The following TBC1D32 variants were observed in gnomAD, a reference collection of about 807,000 sequenced individuals.
The protein encoded by TBC1D32 is TBC1 domain family member 32, also known as protein broad-minded.
Under a neutral mutation model 170.3 loss-of-function variants are expected in TBC1D32, and 151 were observed. The ratio of observed to expected loss-of-function variants is 0.89; its 90% CI spans 0.78 to 1.01. The LOEUF (loss-of-function observed/expected upper bound fraction) is 1.01, where lower values mean the gene tolerates loss of function less well. Ranked by LOEUF, TBC1D32 falls within the 50% of genes least tolerant of loss-of-function variation. The probability of loss-of-function intolerance (pLI) is 0.00; values close to 1 mark genes in which losing one functional copy is unlikely to be tolerated. For missense variants in TBC1D32, 1,464 were observed against 1,457.1 expected (o/e 1.00, Z -0.08); for synonymous variants, 498 against 488.0 (o/e 1.02, Z -0.27).
At chr6:121,126,159 G>A (rs73538413) in intron 26 of TBC1D32, among the ~76,000 whole-genome samples, 5,914 of 152,234 alleles carry the variant, frequency 0.039, 335 homozygotes, top group African/African-American at 0.12. Flanking sequence ...TTAGTGGATA[G>A]AGAGAGAAAA....
At chr6:121,210,988 A>T (rs1000980555) in intron 21 of TBC1D32, among the ~76,000 whole-genome samples, 4 of 100,574 alleles carry the variant, frequency 4.0e-5, no homozygotes, top group Non-Finnish European at 1.2e-4. Flanking sequence ...ATACGACAAT[A>T]AAAAAAATAT....
rs200438206 is a variant in TBC1D32, at chr6:121,106,008, T to C, written c.3465+15A>G. Reference sequence around the variant, plus strand: ...GATAAAGGAGTTGGAGAAATGCTACTCCCTTATGGATTACCTGTGATGGTG... The same window carrying C: ...GATAAAGGAGTTGGAGAAATGCTACCCCCTTATGGATTACCTGTGATGGTG... On this transcript the variant is annotated intron_variant, in intron 30 of 31. Coordinates refer to ENST00000398212, the MANE Select transcript of TBC1D32 (RefSeq NM_152730.6). 10 of 1,583,692 alleles carry C rather than the reference T, an allele frequency of 6.3e-6. No individual in the cohort carries two copies. In the African/African-American group the frequency reaches 8.1e-5, roughly 13 times the overall value.
intron 24 of TBC1D32, among the ~76,000 whole-genome samples, chr6:121,144,828 C>A (rs566404031): frequency 2.0e-5 from 3 of 151,992 alleles, no homozygotes; most frequent in Non-Finnish European, 4.4e-5. Context: ...TGGGGCATTC[C>A]AAAGTTTAAA....
intron 20 of TBC1D32, among the ~76,000 whole-genome samples, chr6:121,226,269 A>G (rs551817401): frequency 6.6e-6 from 1 of 152,220 alleles, no homozygotes; most frequent in East Asian, 1.9e-4. Flanking sequence ...ATCACTTACA[A>G]TAGCGCCTAA....
chr6:121,147,016 A>G (rs1036954222), intron 24 of TBC1D32, among the ~76,000 whole-genome samples: 9 of 151,946 alleles, frequency 5.9e-5, no homozygotes, highest in African/African-American at 2.2e-4. Flanking sequence ...TATTGTTTCT[A>G]TCTTTATGTG....
Position 121,218,479 on chromosome 6 carries a change from G to A in TBC1D32, c.2481+4757C>T, listed in dbSNP as rs575330273. Reference sequence around the variant, plus strand: ...AAGTTTTGATCCTGGGTGTGTCTGTGAGGGTGTTGCCAAAGGAGATTAACA... The same window carrying A: ...AAGTTTTGATCCTGGGTGTGTCTGTAAGGGTGTTGCCAAAGGAGATTAACA... On this transcript the variant is annotated intron_variant, in intron 21 of 31. Transcript: ENST00000398212. 1.2e-4 allele frequency among the ~76,000 whole-genome samples: 19 copies of A among 152,242 alleles called. No homozygotes were observed. The South Asian group carries it at 2.3e-3, about 18-fold the overall frequency.
At chr6:121,320,153 T>G (rs2128500096) in intron 2 of TBC1D32, among the ~76,000 whole-genome samples, 1 of 151,698 alleles carries the variant, frequency 6.6e-6, no homozygotes, top group African/African-American at 2.4e-5. Flanking sequence ...GAAATGCTGT[T>G]TACAGATGTA....
intron 22 of TBC1D32, among the ~76,000 whole-genome samples, chr6:121,194,351 C>G (rs1461198691): frequency 6.6e-6 from 1 of 152,204 alleles, no homozygotes; most frequent in African/African-American, 2.4e-5. Flanking sequence ...AGAGCTGCCT[C>G]TACCTAGAAA....
At chr6:121,224,796 C>T (rs1192361765) in intron 20 of TBC1D32, among the ~76,000 whole-genome samples, 3 of 152,128 alleles carry the variant, frequency 2.0e-5, no homozygotes, top group African/African-American at 7.2e-5. Context: ...ATTTAACACA[C>T]AGTGGTTTTT....
At chr6:121,203,836 T>A (rs1339136030) in intron 22 of TBC1D32, among the ~76,000 whole-genome samples, 1 of 151,262 alleles carries the variant, frequency 6.6e-6, no homozygotes, top group Non-Finnish European at 1.5e-5. Context: ...TTGGATATTA[T>A]GAGAAAGCAC....
Position 121,223,263 on chromosome 6 carries a change from A to C in TBC1D32, c.2454T>G (p.Ser818=). Residue 818 remains serine, a synonymous_variant, in exon 21 of 32, where the codon TCT becomes TCG. Transcript: ENST00000398212. ...NQDLPNKTEY[S]LREVPTCVID... ...TAACACATGTTGGGACTTCACGAAG[A>C]GAATATTCTGTTTTATTAGGAAGAT... The C allele has an allele frequency of 6.3e-7, 1 of 1,580,136 alleles. No homozygotes were observed. Among genetic ancestry groups the C allele is most frequent in the Non-Finnish European group, 8.6e-7 (1 of 1,166,986 alleles).
chr6:121,096,469 C>G (rs966757523), intron 30 of TBC1D32, among the ~76,000 whole-genome samples: 1 of 151,912 alleles, frequency 6.6e-6, no homozygotes, highest in African/African-American at 2.4e-5. Flanking sequence ...AAATAAAATA[C>G]CTAGGAATAC....
At chr6:121,328,580 G>A (rs749741353) in intron 1 of TBC1D32, among the ~76,000 whole-genome samples, 14 of 151,932 alleles carry the variant, frequency 9.2e-5, no homozygotes, top group South Asian at 4.1e-4. Flanking sequence ...CACCATGCCC[G>A]GCCTCTAGTT....
intron 29 of TBC1D32, among the ~76,000 whole-genome samples, chr6:121,109,163 C>T (rs1778977767): frequency 6.6e-6 from 1 of 152,042 alleles, no homozygotes; most frequent in Admixed American, 6.6e-5. Flanking sequence ...TATGTCATGC[C>T]ATTCTAATAA....
At chr6:121,233,773 GTTT>G (rs1435335834) in intron 20 of TBC1D32, among the ~76,000 whole-genome samples, 1 of 151,870 alleles carries the variant, frequency 6.6e-6, no homozygotes, top group Non-Finnish European at 1.5e-5. Flanking sequence ...GAATACCTTG[GTTT>G]TTTTGTCATT....
intron 24 of TBC1D32, among the ~76,000 whole-genome samples, chr6:121,138,342 G>A (rs902444883): frequency 5.3e-5 from 8 of 152,054 alleles, no homozygotes; most frequent in Non-Finnish European, 7.4e-5. Flanking sequence ...GAAATCGGTG[G>A]AAATAAACAA....
intron 15 of TBC1D32, among the ~76,000 whole-genome samples, chr6:121,272,166 C>T (rs1419516386): frequency 1.3e-5 from 2 of 152,084 alleles, no homozygotes; most frequent in Non-Finnish European, 2.9e-5. Context: ...AGAAGAAAAC[C>T]TAGGCATTAC....
chr6:121,292,259 T>C, intron 11 of TBC1D32, 66 bp from the exon 12 acceptor site: 1 of 1,465,242 alleles, frequency 6.8e-7, no homozygotes, highest in South Asian at 1.3e-5. Flanking sequence ...CTGTCTTCAT[T>C]CCCTTCTAGA....
intron 20 of TBC1D32, among the ~76,000 whole-genome samples, chr6:121,231,765 G>T (rs1453688877): frequency 2.6e-5 from 4 of 152,072 alleles, no homozygotes; most frequent in Non-Finnish European, 5.9e-5. Context: ...TGATATGGTT[G>T]CTTGTGTTTT....
Sources: allele counts gnomAD v4.1 joint callset (sites outside exome capture counted in the v4.1 genomes callset), GRCh38; gene constraint gnomAD v4.1.1; transcripts MANE v1.5; gene names NCBI Gene and HGNC (gene_info 2026-07-23, HGNC 2026-07-21).